The following ZDHHC17 variants were observed in gnomAD, a reference collection of about 807,000 sequenced individuals.
ZDHHC17 encodes the protein zDHHC palmitoyltransferase 17, also known as palmitoyltransferase ZDHHC17.
A neutral mutation model predicts 90.3 loss-of-function variants in ZDHHC17; 40 were observed. The observed-to-expected ratio is 0.44, with a 90% CI of 0.34 to 0.58. The LOEUF (loss-of-function observed/expected upper bound fraction) is 0.58, where lower values mean the gene tolerates loss of function less well. Ranked by LOEUF, ZDHHC17 falls within the 20% of genes least tolerant of loss-of-function variation. The pLI is 0.01. For synonymous variants in ZDHHC17, 235 were observed against 252.4 expected, an observed-to-expected ratio of 0.93 and a Z score of 0.65; for missense variants, 614 against 780.8, an observed-to-expected ratio of 0.79 and a Z score of 2.55.
At chr12:76,796,509 T>C (rs922340909) in intron 1 of ZDHHC17, among the ~76,000 whole-genome samples, 1 of 152,048 alleles carries the variant, frequency 6.6e-6, no homozygotes, top group Non-Finnish European at 1.5e-5. Context: ...TTATGTAAAT[T>C]AAATTTTATA....
chr12:76,770,290 G>T (rs988281678), intron 1 of ZDHHC17, among the ~76,000 whole-genome samples: 2 of 152,066 alleles, frequency 1.3e-5, no homozygotes, highest in East Asian at 3.9e-4. Flanking sequence ...AATTAGTATT[G>T]GTTGTCTCTG....
intron 2 of ZDHHC17, among the ~76,000 whole-genome samples, chr12:76,800,023 A>G (rs1410567209): frequency 6.6e-6 from 1 of 152,206 alleles, no homozygotes; most frequent in Non-Finnish European, 1.5e-5. Flanking sequence ...GGTCGTGTGT[A>G]GTATCTTCCA....
Position 76,848,433 on chromosome 12 carries a change from C to T in ZDHHC17, c.1665+43C>T, listed in dbSNP as rs768626651. The T allele has an allele frequency of 1.8e-5, 29 of 1,586,166 alleles. No homozygotes were observed. The South Asian group carries it at 3.3e-4, about 18-fold the overall frequency. Reference sequence around the variant, plus strand: ...CTTTTTAGTGCACTAAGTGAAAACTCTTCCATCCTTGCATAAAAGATAATA... The same window carrying T: ...CTTTTTAGTGCACTAAGTGAAAACTTTTCCATCCTTGCATAAAAGATAATA... On this transcript the variant is annotated intron_variant, in intron 15 of 16. Coordinates refer to ENST00000426126, the MANE Select transcript of ZDHHC17 (RefSeq NM_015336.4).
At chr12:76,781,486 C>T (rs1952625583) in intron 1 of ZDHHC17, 1 of 378,170 alleles carries the variant, frequency 2.6e-6, no homozygotes, top group Non-Finnish European at 5.3e-6. Flanking sequence ...AGGGCTCTGC[C>T]TTCATGAATG....
chr12:76,784,537 G>A (rs1952664197), intron 1 of ZDHHC17, among the ~76,000 whole-genome samples: 1 of 152,150 alleles, frequency 6.6e-6, no homozygotes, highest in Non-Finnish European at 1.5e-5. Context: ...AATTTGTGAG[G>A]AAAAAATTCA....
At chr12:76,840,472 C>G (rs1953422319) in intron 10 of ZDHHC17, 1 of 151,982 alleles carries the variant, frequency 6.6e-6, no homozygotes, top group African/African-American at 2.4e-5. Flanking sequence ...CCCTCAGTAG[C>G]TGGGATTACA....
chr12:76,779,735 G>A (rs1952601501), intron 1 of ZDHHC17, among the ~76,000 whole-genome samples: 1 of 152,160 alleles, frequency 6.6e-6, no homozygotes, highest in Non-Finnish European at 1.5e-5. Context: ...TCAAGTCTGA[G>A]TTTTCTTTGC....
At chr12:76,793,193 G>C (rs1337112484) in intron 1 of ZDHHC17, among the ~76,000 whole-genome samples, 1 of 152,186 alleles carries the variant, frequency 6.6e-6, no homozygotes. Context: ...TTAATACCCA[G>C]TATCTAAAAA....
chr12:76,822,205 A>G (rs899053729), intron 7 of ZDHHC17, among the ~76,000 whole-genome samples: 2 of 152,228 alleles, frequency 1.3e-5, no homozygotes, highest in Non-Finnish European at 2.9e-5. Context: ...ACGGAATATG[A>G]TGAGAAAATA....
chr12:76,812,410 T>G (rs1466854129), intron 5 of ZDHHC17, among the ~76,000 whole-genome samples: 8 of 152,152 alleles, frequency 5.3e-5, no homozygotes. Context: ...TTTCCTCAGA[T>G]AGTCACACAG....
intron 1 of ZDHHC17, among the ~76,000 whole-genome samples, chr12:76,776,794 A>T (rs1255906945): frequency 6.6e-6 from 1 of 152,222 alleles, no homozygotes; most frequent in Non-Finnish European, 1.5e-5. Flanking sequence ...TAATCTATAT[A>T]CAGAAAGTTC....
rs74742557 is a variant in ZDHHC17, at chr12:76,788,186, C to T, written c.94-9248C>T. 3.1e-3 allele frequency among the ~76,000 whole-genome samples: 469 copies of T among 152,318 alleles called. 2 individuals carry two copies. Among genetic ancestry groups the T allele is most frequent in the African/African-American group, 0.011 (453 of 41,566 alleles). On this transcript the variant is annotated intron_variant, in intron 1 of 16. Coordinates refer to ENST00000426126, the MANE Select transcript of ZDHHC17 (RefSeq NM_015336.4). Reference sequence around the variant, plus strand: ...TACTCTCTAGAAGATTGCCAGTCTCCTTGGCAGATGGAAAGAGAGACTGGG... The same window carrying T: ...TACTCTCTAGAAGATTGCCAGTCTCTTTGGCAGATGGAAAGAGAGACTGGG...
At chr12:76,798,897 C>T (rs1952854257) in intron 2 of ZDHHC17, among the ~76,000 whole-genome samples, 1 of 152,118 alleles carries the variant, frequency 6.6e-6, no homozygotes, top group Non-Finnish European at 1.5e-5. Flanking sequence ...AGGATCCACC[C>T]CCTTGATCCA....
intron 1 of ZDHHC17, among the ~76,000 whole-genome samples, chr12:76,793,783 C>T (rs1454509415): frequency 2.6e-5 from 4 of 152,132 alleles, no homozygotes; most frequent in Non-Finnish European, 5.9e-5. Flanking sequence ...TTAAAAGTTA[C>T]AATGACACAC....
chr12:76,794,516 A>G (rs931997280), intron 1 of ZDHHC17, among the ~76,000 whole-genome samples: 2 of 152,164 alleles, frequency 1.3e-5, no homozygotes, highest in Admixed American at 6.5e-5. Context: ...ATTTTCATAT[A>G]TACCTTTTCT....
chr12:76,805,251 A>G, intron 2 of ZDHHC17, 66 bp from the exon 3 acceptor site: 1 of 1,376,420 alleles, frequency 7.3e-7, no homozygotes, highest in South Asian at 1.3e-5. Flanking sequence ...TTCATCTCAA[A>G]ATGTTATTTT....
chr12:76,779,411 A>ACATGT (rs1412350589), intron 1 of ZDHHC17, among the ~76,000 whole-genome samples: 2 of 152,208 alleles, frequency 1.3e-5, no homozygotes, highest in East Asian at 3.9e-4. Context: ...AAGGAGGAGC[A>ACATGT]AAGTCACGTC....
intron 1 of ZDHHC17, 111 bp downstream of exon 1, chr12:76,764,440 T>G: frequency 9.6e-7 from 1 of 1,044,984 alleles, no homozygotes; most frequent in Non-Finnish European, 1.4e-6. Flanking sequence ...CGTGCCGAAG[T>G]TGGGGAGGGT....
chr12:76,775,987 C>T (rs1262516784), intron 1 of ZDHHC17, among the ~76,000 whole-genome samples: 1 of 152,100 alleles, frequency 6.6e-6, no homozygotes, highest in African/African-American at 2.4e-5. Flanking sequence ...TAGCCAGAAT[C>T]TTCCACCTGT....
Sources: gnomAD v4.1 joint callset for allele counts (sites outside exome capture counted in the v4.1 genomes callset) on GRCh38, gnomAD v4.1.1 for gene constraint, MANE v1.5 for transcripts, NCBI Gene and HGNC (gene_info 2026-07-23, HGNC 2026-07-21) for gene names.